Variants in NFYC observed in about 807,000 individuals in gnomAD.
NFYC encodes nuclear transcription factor Y subunit gamma.
NFYC carries 25 observed loss-of-function variants against 53.1 expected under a neutral mutation model. That is an observed-to-expected ratio of 0.47 (90% CI 0.34 to 0.66). The LOEUF (loss-of-function observed/expected upper bound fraction) is 0.66, where lower values mean the gene tolerates loss of function less well. Among genes scored for constraint, NFYC ranks in the 30% least tolerant of loss-of-function variants. The pLI, the probability that NFYC is intolerant of heterozygous loss-of-function variation, is 0.01. For missense variants in NFYC, 260 were observed against 422.7 expected (o/e 0.62, Z 3.38); for synonymous variants, 145 against 152.6 (o/e 0.95, Z 0.37).
chr1:40,765,381 T>C (rs1324793042), intron 7 of NFYC, among the ~76,000 whole-genome samples: 1 of 152,236 alleles, frequency 6.6e-6, no homozygotes, highest in East Asian at 1.9e-4. Flanking sequence ...AGGTCGTTTT[T>C]TCTCGGTAGT....
At chr1:40,725,721 A>G (rs1450675296) in intron 1 of NFYC, among the ~76,000 whole-genome samples, 1 of 152,232 alleles carries the variant, frequency 6.6e-6, no homozygotes, top group Admixed American at 6.5e-5. Context: ...ATTTAAATGA[A>G]GAAACCTAGA....
intron 1 of NFYC, among the ~76,000 whole-genome samples, chr1:40,724,381 A>G (rs1644434797): frequency 6.6e-6 from 1 of 152,192 alleles, no homozygotes; most frequent in Non-Finnish European, 1.5e-5. Flanking sequence ...GTAAATGAAT[A>G]AATAAATAAA....
intron 2 of NFYC, among the ~76,000 whole-genome samples, chr1:40,747,107 G>T (rs1474420294): frequency 6.6e-6 from 1 of 152,150 alleles, no homozygotes; most frequent in Non-Finnish European, 1.5e-5. Context: ...TTTGGTCACT[G>T]AATGGAAGAA....
chr1:40,759,534 T>C (rs542932182), intron 6 of NFYC, among the ~76,000 whole-genome samples: 1 of 148,426 alleles, frequency 6.7e-6, no homozygotes, highest in African/African-American at 2.5e-5. Flanking sequence ...AGATCCTGTC[T>C]CAAAAAAAAA....
chr1:40,740,581 A>G (rs1289249788), intron 2 of NFYC, among the ~76,000 whole-genome samples: 2 of 152,234 alleles, frequency 1.3e-5, no homozygotes, highest in African/African-American at 2.4e-5. Flanking sequence ...ATTTCCACTG[A>G]AAAGTCATTG....
chr1:40,763,370 G>T, intron 7 of NFYC: 2 of 455,162 alleles, frequency 4.4e-6, no homozygotes, highest in South Asian at 3.1e-5. Flanking sequence ...TAGGAGACAG[G>T]TCTTGCTGTG....
At chr1:40,735,842 T>A in intron 1 of NFYC, 1 of 697,962 alleles carries the variant, frequency 1.4e-6, no homozygotes, top group Non-Finnish European at 1.8e-6. Context: ...ATTGAGTCAC[T>A]GTCTTCATTT....
At chr1:40,718,226 A>C (rs139381252) in intron 1 of NFYC, among the ~76,000 whole-genome samples, 1 of 152,364 alleles carries the variant, frequency 6.6e-6, no homozygotes, top group Non-Finnish European at 1.5e-5. Context: ...AAGTGATTTC[A>C]TACTCATTCT....
intron 1 of NFYC, among the ~76,000 whole-genome samples, chr1:40,737,127 CAAAAAA>C (rs1161900883): frequency 4.5e-5 from 4 of 88,808 alleles, no homozygotes; most frequent in Non-Finnish European, 8.7e-5. Flanking sequence ...AACTCTGTCT[CAAAAAA>C]AAAAAAAAAA....
In NFYC at chr1:40,691,747, C is replaced by G. The variant is rs1642805731; in HGVS notation, c.-129C>G. The G allele has an allele frequency of 2.2e-6, 1 of 455,358 alleles. No individual in the cohort carries two copies. The highest frequency in any genetic ancestry group is 2.0e-5 in the African/African-American group (1 of 49,930). The allele number at this position is 455,358 out of a possible 1,614,324, so 28.2% of individuals were successfully genotyped here. On this transcript the variant is annotated 5_prime_UTR_variant, in exon 1 of 10. Coordinates refer to ENST00000447388, the MANE Select transcript of NFYC (RefSeq NM_014223.5). ...ATCTTGCTTGTGCCCCCGCTTCGCG[C>G]GCGCTCCGTTCTCCGTGACGCACAC...
chr1:40,737,622 C>T (rs886704022), intron 1 of NFYC, among the ~76,000 whole-genome samples: 4 of 152,138 alleles, frequency 2.6e-5, no homozygotes, highest in Non-Finnish European at 5.9e-5. Flanking sequence ...AGCCACCGCA[C>T]CTGGCCTCTC....
At chr1:40,737,636 C>T (rs907473536) in intron 1 of NFYC, among the ~76,000 whole-genome samples, 7 of 151,876 alleles carry the variant, frequency 4.6e-5, no homozygotes, top group African/African-American at 9.6e-5. Context: ...GCCTCTCCTT[C>T]GTTTTTTTAA....
At chr1:40,767,015 G>A (rs1248908532) in intron 8 of NFYC, 7 of 1,535,500 alleles carry the variant, frequency 4.6e-6, no homozygotes, top group South Asian at 1.2e-5. Flanking sequence ...TCGACAGATC[G>A]CCTGATCGTC....
intron 1 of NFYC, among the ~76,000 whole-genome samples, chr1:40,726,675 C>T (rs1417590845): frequency 1.3e-5 from 2 of 152,188 alleles, no homozygotes; most frequent in East Asian, 3.9e-4. Flanking sequence ...CCCTAGCCTC[C>T]CAAAGTGCTG....
At chr1:40,707,676 A>G (rs893331073) in intron 1 of NFYC, among the ~76,000 whole-genome samples, 34 of 151,452 alleles carry the variant, frequency 2.2e-4, no homozygotes, top group Middle Eastern at 6.8e-3. Context: ...ACAAGAAAAG[A>G]AAGAAATAGA....
chr1:40,722,034 G>A (rs1644348156), intron 1 of NFYC, among the ~76,000 whole-genome samples: 1 of 152,264 alleles, frequency 6.6e-6, no homozygotes, highest in African/African-American at 2.4e-5. Context: ...AGCCAGGCGT[G>A]GTGGTGGGCA....
intron 6 of NFYC, among the ~76,000 whole-genome samples, chr1:40,760,718 A>C (rs925835529): frequency 8.1e-6 from 1 of 123,354 alleles, no homozygotes; most frequent in Non-Finnish European, 1.6e-5. Context: ...AGACTGTCTC[A>C]AAAAAAAAAA....
intron 9 of NFYC, among the ~76,000 whole-genome samples, chr1:40,769,831 C>T (rs1446746615): frequency 6.6e-6 from 1 of 152,178 alleles, no homozygotes; most frequent in East Asian, 1.9e-4. Flanking sequence ...CACGTGACCT[C>T]TTGAGCTCTC....
At chr1:40,707,999 C>G (rs1330828157) in intron 1 of NFYC, among the ~76,000 whole-genome samples, 1 of 152,124 alleles carries the variant, frequency 6.6e-6, no homozygotes, top group Non-Finnish European at 1.5e-5. Flanking sequence ...AAGGATTTAA[C>G]CAACCATGGG....
Sources: gnomAD v4.1 joint callset for allele counts (sites outside exome capture counted in the v4.1 genomes callset) on GRCh38, gnomAD v4.1.1 for gene constraint, MANE v1.5 for transcripts, NCBI Gene and HGNC (gene_info 2026-07-23, HGNC 2026-07-21) for gene names.